The following SLC39A10 variants were observed in gnomAD, a reference collection of about 807,000 sequenced individuals.
SLC39A10 encodes the protein zinc transporter ZIP10.
A neutral mutation model predicts 65.1 loss-of-function variants in SLC39A10; 13 were observed. The ratio of observed to expected loss-of-function variants is 0.20; its 90% confidence interval spans 0.13 to 0.32. The LOEUF (loss-of-function observed/expected upper bound fraction) is 0.32. Among genes scored for constraint, SLC39A10 ranks in the 10% least tolerant of loss-of-function variants. The probability of loss-of-function intolerance (pLI) is 1.00; values close to 1 mark genes in which losing one functional copy is unlikely to be tolerated. For synonymous variants in SLC39A10, 321 were observed against 342.2 expected (o/e 0.94, Z 0.68); for missense variants, 831 against 1,018.4 (o/e 0.82, Z 2.50).
intron 2 of SLC39A10, among the ~76,000 whole-genome samples, chr2:195,645,364 A>G (rs550898122): frequency 2.2e-3 from 334 of 152,330 alleles, no homozygotes; most frequent in African/African-American, 7.5e-3. Flanking sequence ...TTTAAAATAT[A>G]GGGAGAGTAT....
chr2:195,696,318 T>TG (rs1690956197), intron 3 of SLC39A10, among the ~76,000 whole-genome samples: 1 of 50,998 alleles, frequency 2.0e-5, no homozygotes. Flanking sequence ...TTTTTATTTC[T>TG]GAAAAAAAAA....
At chr2:195,623,942 G>T (rs1001571024) in intron 2 of SLC39A10, among the ~76,000 whole-genome samples, 1 of 135,076 alleles carries the variant, frequency 7.4e-6, no homozygotes. Flanking sequence ...CACACACACC[G>T]TCTTAGATAT....
chr2:195,668,615 A>G (rs1022745081), intron 1 of SLC39A10, among the ~76,000 whole-genome samples: 4 of 152,260 alleles, frequency 2.6e-5, no homozygotes, highest in Non-Finnish European at 5.9e-5. Context: ...TGCGATACAG[A>G]TAATAACTTC....
chr2:195,658,479 C>G (rs1574230207), intron 1 of SLC39A10: 3 of 152,130 alleles, frequency 2.0e-5, no homozygotes, highest in African/African-American at 7.2e-5. Flanking sequence ...CTGTTAAGTC[C>G]TCTAATTTTA....
At position 195,635,530 on chromosome 2, in the gene SLC39A10, G is replaced by A. The variant is rs549732199; in HGVS notation, c.-12+29297G>A. On this transcript the variant is annotated intron_variant, in intron 2 of 2. Coordinates refer to the SLC39A10 transcript ENST00000458054. ...TGCCAGTAGTTTAGCACAAATCAAA[G>A]AAGTGGCACATACTAGAAGCCGTCT... is the stretch of plus-strand genomic sequence containing the variant. 6.4e-4 allele frequency among the ~76,000 whole-genome samples: 98 copies of A among 152,306 alleles called. 1 individual carries two copies. The highest frequency in any genetic ancestry group is 1.2e-3 in the Admixed American group (18 of 15,296).
chr2:195,718,354 T>G, intron 8 of SLC39A10, 22 bp downstream of exon 8: 1 of 1,557,370 alleles, frequency 6.4e-7, no homozygotes, highest in Non-Finnish European at 8.8e-7. Context: ...TTAAAAATTT[T>G]ACCAGATTTC....
chr2:195,625,177 A>C (rs959863900), intron 2 of SLC39A10, among the ~76,000 whole-genome samples: 14 of 148,068 alleles, frequency 9.5e-5, no homozygotes, highest in Admixed American at 8.4e-4. Flanking sequence ...AAAATGTACC[A>C]TTGCACTCCA....
chr2:195,703,488 T>C (rs1691272975), intron 3 of SLC39A10, among the ~76,000 whole-genome samples: 5 of 152,194 alleles, frequency 3.3e-5, no homozygotes, highest in Admixed American at 3.3e-4. Context: ...TTTTAGTCAG[T>C]TAAAAATCTT....
intron 3 of SLC39A10, among the ~76,000 whole-genome samples, chr2:195,684,123 G>A (rs1164757841): frequency 6.6e-6 from 1 of 151,876 alleles, no homozygotes; most frequent in Non-Finnish European, 1.5e-5. Flanking sequence ...ATTACAAAGG[G>A]ATATTTTGCT....
chr2:195,730,452 C>G (rs1692397400), intron 9 of SLC39A10, among the ~76,000 whole-genome samples: 1 of 152,194 alleles, frequency 6.6e-6, no homozygotes. Context: ...GCCTCAGCCA[C>G]CCAAGTAGCT....
rs1345043760 is a variant in SLC39A10 at position 195,663,037 on chromosome 2, G to A, written c.-12+5756G>A. Among the ~76,000 whole-genome samples the A allele has an allele frequency of 5.3e-5, 8 of 152,136 alleles. No homozygotes were observed. In the East Asian group the frequency reaches 1.3e-3, roughly 26 times the overall value. ...TCGGAAAAGGAATGTGAAGCCCTTGGCCTTCAACTGTTGGTTACCACCGAA... is the reference window on the plus strand; with the variant it reads ...TCGGAAAAGGAATGTGAAGCCCTTGACCTTCAACTGTTGGTTACCACCGAA... On this transcript the variant is annotated intron_variant, in intron 1 of 9. Transcript: ENST00000359634.
chr2:195,734,368 G>A (rs564067455), intron 9 of SLC39A10, among the ~76,000 whole-genome samples: 41 of 151,964 alleles, frequency 2.7e-4, no homozygotes, highest in African/African-American at 9.7e-4. Context: ...TCACCATATT[G>A]GCCAGGCTGG....
At position 195,619,114 on chromosome 2, in the gene SLC39A10, A is replaced by AAAGAG. The variant is rs1553490931; in HGVS notation, c.-12+12882_-12+12883insAGAGA. Among the ~76,000 whole-genome samples the AAAGAG allele has an allele frequency of 0.016, 2,060 of 131,506 alleles. 79 individuals are homozygous for AAAGAG. The East Asian group carries it at 0.17, about 11-fold the overall frequency. 86.3% of individuals were successfully genotyped at this position (131,506 alleles called of 152,430 possible). On this transcript the variant is annotated intron_variant, in intron 2 of 2. Coordinates refer to the SLC39A10 transcript ENST00000458054. Reference sequence around the variant, plus strand: ...TCTCAAAAAAAAAAAAAAAAAAAAAAAGAGAGAGAGAGAAAGGAAAGAATA... The same window carrying AAAGAG: ...TCTCAAAAAAAAAAAAAAAAAAAAAAAAGAGAGAGAGAGAGAGAAAGGAAAGAATA...
intron 3 of SLC39A10, among the ~76,000 whole-genome samples, chr2:195,691,542 T>C (rs530733925): frequency 1.1e-4 from 16 of 152,352 alleles, no homozygotes; most frequent in South Asian, 2.1e-4. Context: ...TTTTTGGTTT[T>C]TTGATTATGA....
chr2:195,694,730 C>G (rs1389229319), intron 3 of SLC39A10, among the ~76,000 whole-genome samples: 1 of 152,100 alleles, frequency 6.6e-6, no homozygotes, highest in Admixed American at 6.5e-5. Flanking sequence ...TGGTTGGCAT[C>G]GAGCCAGGAT....
intron 3 of SLC39A10, among the ~76,000 whole-genome samples, chr2:195,697,134 A>G (rs1260655400): frequency 1.3e-5 from 2 of 152,158 alleles, no homozygotes; most frequent in South Asian, 2.1e-4. Flanking sequence ...AAAAATATCC[A>G]TGTATTAAGT....
upstream of SLC39A10, among the ~76,000 whole-genome samples, chr2:195,652,522 C>T (rs1215304380): frequency 4.1e-5 from 6 of 147,964 alleles, no homozygotes; most frequent in Non-Finnish European, 8.9e-5. Flanking sequence ...GCACTCCAGC[C>T]TGGGCAACAG....
At chr2:195,644,337 ATTTTTT>A (rs11356815) in intron 2 of SLC39A10, among the ~76,000 whole-genome samples, 1 of 86,018 alleles carries the variant, frequency 1.2e-5, no homozygotes. Context: ...TCTCAAATAA[ATTTTTT>A]TTTTTTTTTT....
chr2:195,671,992 T>C (rs2105752802), intron 1 of SLC39A10, among the ~76,000 whole-genome samples: 1 of 152,140 alleles, frequency 6.6e-6, no homozygotes, highest in Middle Eastern at 3.4e-3. Flanking sequence ...TGATTTAATA[T>C]GGAGTAGTCA....
Sources: gnomAD v4.1 joint callset for allele counts (sites outside exome capture counted in the v4.1 genomes callset) on GRCh38, gnomAD v4.1.1 for gene constraint, MANE v1.5 for transcripts, NCBI Gene and HGNC (gene_info 2026-07-23, HGNC 2026-07-21) for gene names.